Variants in GOLGA4 observed in about 807,000 individuals in gnomAD.
GOLGA4 encodes golgin A4.
In GOLGA4, 169 loss-of-function variants were observed where a neutral mutation model predicts 265.9. That is an observed-to-expected ratio of 0.64 (90% CI 0.56 to 0.72). The LOEUF (loss-of-function observed/expected upper bound fraction) is 0.72. Ranked by LOEUF, GOLGA4 falls within the 30% of genes least tolerant of loss-of-function variation. The pLI, the probability that GOLGA4 is intolerant of heterozygous loss-of-function variation, is 0.00. For synonymous variants in GOLGA4, 923 were observed against 855.8 expected (o/e 1.08, Z -1.37); for missense variants, 2,482 against 2,483.4 (o/e 1.00, Z 0.01).
At chr3:37,266,694 G>A (rs2096784651) in intron 2 of GOLGA4, 3 of 320,334 alleles carry the variant, frequency 9.4e-6, no homozygotes, top group South Asian at 4.9e-5. Flanking sequence ...GTGAGATGGT[G>A]GTGGTGGTGG....
At chr3:37,330,798 C>T (rs543239814) in intron 16 of GOLGA4, among the ~76,000 whole-genome samples, 3 of 152,080 alleles carry the variant, frequency 2.0e-5, no homozygotes, top group South Asian at 2.1e-4. Flanking sequence ...GAGGCCAAGG[C>T]GGGTGGATCA....
intron 12 of GOLGA4, 101 bp from the exon 13 acceptor site, chr3:37,321,630 C>A: frequency 9.7e-7 from 1 of 1,033,674 alleles, no homozygotes; most frequent in Non-Finnish European, 1.4e-6. Flanking sequence ...TCCAACAGGG[C>A]TGGGTGCAGA....
At chr3:37,311,651 G>A (rs1437299863) in intron 10 of GOLGA4, among the ~76,000 whole-genome samples, 2 of 152,126 alleles carry the variant, frequency 1.3e-5, no homozygotes, top group Non-Finnish European at 2.9e-5. Flanking sequence ...TTCTTTCTAG[G>A]TGTGAAATTA....
intron 16 of GOLGA4, among the ~76,000 whole-genome samples, chr3:37,330,635 TACAGCAAGTGG>T (rs1339550771): frequency 6.6e-6 from 1 of 152,158 alleles, no homozygotes; most frequent in Non-Finnish European, 1.5e-5. Flanking sequence ...CTTTGAGTAG[TACAGCAAGTGG>T]ACAGGAAGTG....
At chr3:37,250,952 T>C (rs1306577184) in intron 1 of GOLGA4, among the ~76,000 whole-genome samples, 1 of 152,116 alleles carries the variant, frequency 6.6e-6, no homozygotes, top group Non-Finnish European at 1.5e-5. Context: ...AGCTAGAAGG[T>C]AGAAGGGATC....
intron 2 of GOLGA4, among the ~76,000 whole-genome samples, chr3:37,277,680 A>G (rs1181193173): frequency 2.0e-5 from 3 of 152,156 alleles, no homozygotes; most frequent in African/African-American, 7.2e-5. Context: ...GCTTTACAGT[A>G]CAGATCTTAC....
chr3:37,247,472 C>T (rs1014721718), intron 1 of GOLGA4, among the ~76,000 whole-genome samples: 1 of 152,158 alleles, frequency 6.6e-6, no homozygotes, highest in Non-Finnish European at 1.5e-5. Flanking sequence ...TGGAGAAGAT[C>T]AGGGTGACAT....
At chr3:37,246,084 C>G (rs2096718769) in intron 1 of GOLGA4, among the ~76,000 whole-genome samples, 1 of 151,992 alleles carries the variant, frequency 6.6e-6, no homozygotes, top group Non-Finnish European at 1.5e-5. Context: ...GGCACCGTGG[C>G]TCATGCCTGT....
chr3:37,310,286 A>G (rs2096919528), intron 10 of GOLGA4, among the ~76,000 whole-genome samples: 2 of 152,188 alleles, frequency 1.3e-5, no homozygotes, highest in Admixed American at 1.3e-4. Flanking sequence ...ATTTCTTATT[A>G]TAATTGATTA....
intron 2 of GOLGA4, among the ~76,000 whole-genome samples, chr3:37,270,470 G>A (rs1197994875): frequency 1.3e-5 from 2 of 152,042 alleles, no homozygotes; most frequent in South Asian, 4.2e-4. Context: ...CACCTGCTTC[G>A]GCCTCCCAAA....
At chr3:37,268,483 A>G (rs887787535) in intron 2 of GOLGA4, among the ~76,000 whole-genome samples, 5 of 151,816 alleles carry the variant, frequency 3.3e-5, no homozygotes, top group Non-Finnish European at 7.4e-5. Context: ...TCCTAGGGCC[A>G]CTTCCATAAG....
At chr3:37,307,559 G>T (rs2096910139) in intron 10 of GOLGA4, among the ~76,000 whole-genome samples, 1 of 151,968 alleles carries the variant, frequency 6.6e-6, no homozygotes, top group African/African-American at 2.4e-5. Context: ...CAGGACTGGG[G>T]TAAGGGCTAT....
intron 5 of GOLGA4, among the ~76,000 whole-genome samples, chr3:37,294,121 A>G (rs2096872033): frequency 6.6e-6 from 1 of 152,222 alleles, no homozygotes; most frequent in South Asian, 2.1e-4. Context: ...CTGGTTTTGC[A>G]GAGAGACAAA....
chr3:37,286,028 T>G lies in GOLGA4; in HGVS notation c.492T>G (p.Tyr164Ter), dbSNP rs1410105404. The G allele has an allele frequency of 6.4e-7, 1 of 1,574,714 alleles. No individual in the cohort carries two copies. Among genetic ancestry groups the G allele is most frequent in the Non-Finnish European group, 8.7e-7 (1 of 1,148,328 alleles). The change falls in exon 4 of 24, where the codon TAT (tyrosine) becomes TAG (stop). Residue 164 changes from tyrosine to a stop codon, truncating the protein, a stop_gained. Coordinates refer to ENST00000361924, the MANE Select transcript of GOLGA4 (RefSeq NM_002078.5). LOFTEE classifies it high-confidence loss of function. ...RGKYSELVTA[Y>*]QMLQREKKKL... ...CTATATTTTAGCTTGTTACAGCTTATCAGATGCTTCAGAGAGAGAAGAAAA... is the reference window on the plus strand; with the variant it reads ...CTATATTTTAGCTTGTTACAGCTTAGCAGATGCTTCAGAGAGAGAAGAAAA...
rs754190469 is a variant in GOLGA4 at position 37,326,459 on chromosome 3, G to A, written c.4573G>A (p.Ala1525Thr). Residue 1525 changes from alanine (A) to threonine (T), a missense_variant, in exon 14 of 24, where the codon GCA becomes ACA. By Grantham distance (58) the Ala-to-Thr change is moderately conservative. Around this residue, in one of 3 missense-constraint regions of GOLGA4, gnomAD observed 942 missense variants for 983.1 expected, o/e 0.96. Transcript: ENST00000361924. ...NLETELKSQT[A>T]RIMELEDHIT... ...AGAAACAGAGTTAAAGTCTCAAACA[G>A]CAAGAATTATGGAATTAGAGGACCA... 1.9e-6 allele frequency: 3 copies of A among 1,610,664 alleles called. No homozygotes were observed. The highest frequency in any genetic ancestry group is 2.7e-5 in the African/African-American group (2 of 74,820).
At chr3:37,335,250 A>G in intron 17 of GOLGA4, 84 bp downstream of exon 17, 3 of 711,382 alleles carry the variant, frequency 4.2e-6, no homozygotes, top group Admixed American at 2.6e-5. Flanking sequence ...ACATACATAC[A>G]TATTTATCTC....
intron 1 of GOLGA4, 172 bp downstream of exon 1, chr3:37,243,794 C>T (rs1319014709): frequency 1.3e-5 from 8 of 599,572 alleles, no homozygotes; most frequent in Admixed American, 3.0e-5. Context: ...TCGTCCGTAA[C>T]TCCTGACCTG....
intron 10 of GOLGA4, among the ~76,000 whole-genome samples, chr3:37,308,233 CAAA>C (rs750032403): frequency 9.2e-6 from 1 of 108,734 alleles, no homozygotes; most frequent in Admixed American, 9.5e-5. Flanking sequence ...AACTCTGTCT[CAAA>C]AAAAAAAAAC....
intron 5 of GOLGA4, among the ~76,000 whole-genome samples, chr3:37,293,631 C>T (rs760679081): frequency 1.3e-5 from 2 of 152,120 alleles, no homozygotes; most frequent in Non-Finnish European, 2.9e-5. Context: ...TGCTAACCTC[C>T]GGCATTCTAA....
Sources: allele counts gnomAD v4.1 joint callset (sites outside exome capture counted in the v4.1 genomes callset), GRCh38; gene constraint gnomAD v4.1.1; regional missense constraint gnomAD v4.1.1; transcripts MANE v1.5; gene names NCBI Gene and HGNC (gene_info 2026-07-23, HGNC 2026-07-21).